TTLL5: variants seen among roughly 807,000 people sequenced by gnomAD.
The protein encoded by TTLL5 is tubulin polyglutamylase TTLL5.
TTLL5 carries 132 observed loss-of-function variants against 168.4 expected under a neutral mutation model. The ratio of observed to expected loss-of-function variants is 0.78; its 90% CI spans 0.68 to 0.91. The LOEUF (loss-of-function observed/expected upper bound fraction) is 0.91, where lower values mean the gene tolerates loss of function less well. TTLL5 is among the 40% of genes least tolerant of loss of function. The probability of loss-of-function intolerance (pLI) is 0.00; values close to 1 mark genes in which losing one functional copy is unlikely to be tolerated. For missense variants in TTLL5, 1,545 were observed against 1,581.5 expected (o/e 0.98, Z 0.39); for synonymous variants, 546 against 558.6 (o/e 0.98, Z 0.32).
chr14:75,773,911 T>C (rs866136768), intron 21 of TTLL5, among the ~76,000 whole-genome samples: 321 of 21,774 alleles, frequency 0.015, 1 homozygote, highest in Non-Finnish European at 0.022. Flanking sequence ...AAAATACATA[T>C]ATATATATAT....
intron 9 of TTLL5, chr14:75,712,204 A>G (rs1887130623): frequency 6.6e-6 from 1 of 151,556 alleles, no homozygotes; most frequent in African/African-American, 2.4e-5. Context: ...CTTCCATAAG[A>G]TTTTTCTGGG....
intron 31 of TTLL5, among the ~76,000 whole-genome samples, chr14:75,916,276 G>A (rs1288853859): frequency 6.6e-6 from 1 of 152,056 alleles, no homozygotes; most frequent in Non-Finnish European, 1.5e-5. Context: ...TTGGAACCCC[G>A]GTGTACTGTT....
intron 2 of TTLL5, among the ~76,000 whole-genome samples, chr14:75,666,100 A>G (rs1330999985): frequency 6.6e-6 from 1 of 152,178 alleles, no homozygotes; most frequent in East Asian, 1.9e-4. Flanking sequence ...TGTCTTGTCT[A>G]TCAGACACTT....
chr14:75,862,218 G>T (rs2030075102), intron 28 of TTLL5, among the ~76,000 whole-genome samples: 1 of 152,146 alleles, frequency 6.6e-6, no homozygotes, highest in South Asian at 2.1e-4. Flanking sequence ...GAGTAATATT[G>T]TATGTAGATT....
intron 14 of TTLL5, 79 bp downstream of exon 14, chr14:75,734,129 G>A: frequency 7.1e-7 from 1 of 1,416,680 alleles, no homozygotes; most frequent in Non-Finnish European, 1.0e-6. Flanking sequence ...CATAGGTTTT[G>A]CCAACTGGCA....
rs180683510 is a variant in TTLL5 at position 75,833,290 on chromosome 14, T to C, written c.3326+13129T>C. ...TTTCAAGACTCTGCTGTTCGGTACA[T>C]CTTCACCCTCCTGTCACCCAGTCCC... On this transcript the variant is annotated intron_variant, in intron 28 of 31. Coordinates refer to ENST00000298832, the MANE Select transcript of TTLL5 (RefSeq NM_015072.5). Among the ~76,000 whole-genome samples, 325 of 152,328 alleles carry C rather than the reference T, an allele frequency of 2.1e-3. 2 individuals are homozygous for C. The highest frequency in any genetic ancestry group is 7.4e-3 in the African/African-American group (309 of 41,582).
intron 12 of TTLL5, among the ~76,000 whole-genome samples, chr14:75,729,210 C>T (rs150902522): frequency 0.012 from 1,864 of 152,184 alleles, 14 homozygotes; most frequent in South Asian, 0.024. Context: ...GCTCTTCTGT[C>T]ATGATAAAGA....
At chr14:75,883,007 C>T (rs2031899928) in intron 30 of TTLL5, 105 bp downstream of exon 30, 4 of 1,209,558 alleles carry the variant, frequency 3.3e-6, no homozygotes, top group South Asian at 1.6e-5. Flanking sequence ...GTACTGGAAA[C>T]AAGAACACCT....
At chr14:75,863,911 TAAAAA>T (rs76733656) in intron 29 of TTLL5, 49 bp downstream of exon 29, 1,950 of 99,650 alleles carry the variant, frequency 0.02, 14 homozygotes, top group Middle Eastern at 0.055. Context: ...CTGCTGTTGG[TAAAAA>T]AAAAAAAAAA....
intron 31 of TTLL5, among the ~76,000 whole-genome samples, chr14:75,950,556 T>C (rs1053180464): frequency 1.3e-5 from 2 of 152,166 alleles, no homozygotes; most frequent in African/African-American, 4.8e-5. Context: ...AGGAAACAAA[T>C]GTGAAGAGAT....
At chr14:75,915,855 T>C (rs1216550066) in intron 31 of TTLL5, among the ~76,000 whole-genome samples, 1 of 151,928 alleles carries the variant, frequency 6.6e-6, no homozygotes, top group Non-Finnish European at 1.5e-5. Flanking sequence ...AAGTCGGACA[T>C]GGTGGCTCCT....
At chr14:75,688,841 A>T (rs1237582515) in intron 5 of TTLL5, among the ~76,000 whole-genome samples, 1 of 152,228 alleles carries the variant, frequency 6.6e-6, no homozygotes, top group East Asian at 1.9e-4. Context: ...ATATCTCAGA[A>T]TATAGCAGGA....
chr14:75,889,689 C>T (rs1017401389), intron 30 of TTLL5, among the ~76,000 whole-genome samples: 3 of 151,762 alleles, frequency 2.0e-5, no homozygotes, highest in African/African-American at 7.3e-5. Context: ...ATTAGCCAGG[C>T]GTGGTGGCAT....
intron 28 of TTLL5, among the ~76,000 whole-genome samples, chr14:75,821,224 C>T (rs184408223): frequency 6.6e-6 from 1 of 152,256 alleles, no homozygotes; most frequent in East Asian, 1.9e-4. Context: ...GGTACGGTGT[C>T]TTTCATACCG....
At chr14:75,855,116 A>G (rs543801829) in intron 28 of TTLL5, among the ~76,000 whole-genome samples, 4 of 151,244 alleles carry the variant, frequency 2.6e-5, no homozygotes, top group East Asian at 3.9e-4. Flanking sequence ...TAATGTGGCA[A>G]TCAACCTTTC....
intron 27 of TTLL5, among the ~76,000 whole-genome samples, chr14:75,802,955 A>G (rs559628996): frequency 6.6e-6 from 1 of 152,368 alleles, no homozygotes; most frequent in South Asian, 2.1e-4. Context: ...ACTTGTGCAT[A>G]TGTAGCGAAA....
At chr14:75,730,394 G>A (rs1289746296) in intron 12 of TTLL5, among the ~76,000 whole-genome samples, 4 of 152,150 alleles carry the variant, frequency 2.6e-5, no homozygotes, top group African/African-American at 9.7e-5. Context: ...TTTTCTTTAC[G>A]TTTTAATGTA....
chr14:75,672,095 T>G (rs191821945), intron 3 of TTLL5, among the ~76,000 whole-genome samples: 11 of 152,342 alleles, frequency 7.2e-5, no homozygotes, highest in Admixed American at 2.6e-4. Flanking sequence ...AGTCAAATGC[T>G]TTTTCCACAT....
Position 75,782,515 on chromosome 14 carries a change from G to A in TTLL5, c.2544G>A (p.Val848=). The A allele has an allele frequency of 6.2e-7, 1 of 1,613,818 alleles. No individual in the cohort carries two copies. Among genetic ancestry groups the A allele is most frequent in the Admixed American group, 1.7e-5 (1 of 60,008 alleles). Residue 848 remains valine, a synonymous_variant, in exon 25 of 32, where the codon GTG becomes GTA. Transcript: ENST00000298832. ...ACCCTGAGACTATAATGGAAGAAGT[G>A]AAAATAAAGCCACCTAAACAGCAAC... The part of the protein sequence containing the change: ...GDHPETIMEE[V]KIKPPKQQQT...
Sources: allele counts gnomAD v4.1 joint callset (sites outside exome capture counted in the v4.1 genomes callset), GRCh38; gene constraint gnomAD v4.1.1; transcripts MANE v1.5; gene names NCBI Gene and HGNC (gene_info 2026-07-23, HGNC 2026-07-21).